The following TMEM169 variants were observed in gnomAD, a reference collection of about 807,000 sequenced individuals.
TMEM169 encodes the protein transmembrane protein 169.
A neutral mutation model predicts 27.3 loss-of-function variants in TMEM169; 18 were observed. The ratio of observed to expected loss-of-function variants is 0.66; its 90% confidence interval spans 0.46 to 0.98. The LOEUF (loss-of-function observed/expected upper bound fraction) is 0.98, where lower values mean the gene tolerates loss of function less well. Ranked by LOEUF, TMEM169 falls within the 50% of genes least tolerant of loss-of-function variation. TMEM169 has a pLI of 0.00. For missense variants in TMEM169, 320 were observed against 368.6 expected, an observed-to-expected ratio of 0.87 and a Z score of 1.08; for synonymous variants, 136 against 142.1, an observed-to-expected ratio of 0.96 and a Z score of 0.30.
At position 216,099,834 on chromosome 2, in the gene TMEM169, C is replaced by A; in HGVS notation, c.272-86C>A. 1 of 1,526,358 alleles carries A rather than the reference C, an allele frequency of 6.6e-7. No homozygotes were observed. 94.6% of individuals were successfully genotyped at this position (1,526,358 alleles called of 1,614,324 possible). ...ATGGTGTAAAAAAGGCTACTCTTGT[C>A]CTCATGCCCAGCCTGGGAGGGTGCA... On this transcript the variant is annotated intron_variant, in intron 2 of 2. Transcript: ENST00000437356. This position sits in a 1 kb window ranked among gnomAD's most constrained non-coding sequence, Gnocchi z 5.0.
At position 216,096,105 on chromosome 2, in the gene TMEM169, C is replaced by T. The variant is rs146119140; in HGVS notation, c.142C>T (p.Arg48Cys). The T allele has an allele frequency of 3.5e-4, 572 of 1,614,154 alleles. No homozygotes were observed. The highest frequency in any genetic ancestry group is 2.6e-3 in the Middle Eastern group (16 of 6,062). ...CAGGAAAAAGAAGAGGAAAGAGTCA[C>T]GCCCAGAATCCATCATCATCTACCG... ...GHRKKKRKES[R>C]PESIIIYRSD... Residue 48 changes from arginine to cysteine, a missense_variant, in exon 2 of 3, where the codon CGC becomes TGC. Transcript: ENST00000437356.
chr2:216,093,879 T>C (rs1035254911), intron 1 of TMEM169, among the ~76,000 whole-genome samples: 1 of 152,164 alleles, frequency 6.6e-6, no homozygotes, highest in Non-Finnish European at 1.5e-5. Context: ...ACCAAAGATA[T>C]ATAAATTTGC....
chr2:216,093,030 A>G (rs2105983848), intron 1 of TMEM169, among the ~76,000 whole-genome samples: 1 of 152,264 alleles, frequency 6.6e-6, no homozygotes, highest in South Asian at 2.1e-4. Flanking sequence ...TTACAAATGT[A>G]TGTATATACA....
intron 2 of TMEM169, among the ~76,000 whole-genome samples, chr2:216,098,108 G>A (rs1696303019): frequency 6.6e-6 from 1 of 152,156 alleles, no homozygotes; most frequent in Non-Finnish European, 1.5e-5. Flanking sequence ...GGCCCTTGCA[G>A]GTCTCGGTAA....
At position 216,099,896 on chromosome 2, in the gene TMEM169, T is replaced by G. The variant is rs773049254; in HGVS notation, c.272-24T>G. 10 of 1,590,560 alleles carry G rather than the reference T, an allele frequency of 6.3e-6. No individual in the cohort carries two copies. Among genetic ancestry groups the G allele is most frequent in the Non-Finnish European group, 8.5e-6 (10 of 1,170,460 alleles). On this transcript the variant is annotated intron_variant, in intron 2 of 2. Coordinates refer to ENST00000437356, the MANE Select transcript of TMEM169 (RefSeq NM_001142311.2). The surrounding 1 kb of genome is among the most constrained non-coding windows in gnomAD (Gnocchi z 5.0). ...CAATGCCCACTCTTCTGATCTTGAC[T>G]CTCACCTCCTTTGTACCCTGCAGAT...
chr2:216,099,328 C>T lies in TMEM169; in HGVS notation c.272-592C>T, dbSNP rs536898518. ...GATAGTGTAGTGTGTGTATGTGGTA[C>T]GTGATTGGGAGGTGGCATGTGTATG... On this transcript the variant is annotated intron_variant, in intron 2 of 2. Coordinates refer to ENST00000437356, the MANE Select transcript of TMEM169 (RefSeq NM_001142311.2). The surrounding 1 kb of genome is among the most constrained non-coding windows in gnomAD (Gnocchi z 5.0). 4.7e-5 allele frequency among the ~76,000 whole-genome samples: 7 copies of T among 148,980 alleles called. No homozygotes were observed. The highest frequency in any genetic ancestry group is 4.0e-4 in the East Asian group (2 of 5,044).
chr2:216,092,264 G>A (rs1696151598), intron 1 of TMEM169, among the ~76,000 whole-genome samples: 1 of 152,108 alleles, frequency 6.6e-6, no homozygotes, highest in Admixed American at 6.5e-5. Flanking sequence ...CTGTCCCTGG[G>A]CTCAGGAAGC....
At chr2:216,094,476 G>T (rs1696214248) in intron 1 of TMEM169, among the ~76,000 whole-genome samples, 1 of 152,230 alleles carries the variant, frequency 6.6e-6, no homozygotes, top group South Asian at 2.1e-4. Flanking sequence ...TAACCCCCAT[G>T]ATTTAATGGG....
chr2:216,087,115 G>C (rs534455181), intron 1 of TMEM169, among the ~76,000 whole-genome samples: 96 of 152,190 alleles, frequency 6.3e-4, no homozygotes, highest in Non-Finnish European at 1.1e-3. Flanking sequence ...GTGGAGAAGC[G>C]TGACAAAGAT....
intron 1 of TMEM169, among the ~76,000 whole-genome samples, chr2:216,090,653 T>C (rs1305464985): frequency 6.6e-6 from 1 of 152,218 alleles, no homozygotes; most frequent in East Asian, 1.9e-4. Flanking sequence ...AAAACACTTT[T>C]GGACCTCCAA....
At chr2:216,088,126 C>G (rs1052192666) in intron 1 of TMEM169, among the ~76,000 whole-genome samples, 1 of 150,692 alleles carries the variant, frequency 6.6e-6, no homozygotes, top group East Asian at 1.9e-4. Context: ...CAACTGCACT[C>G]CAGCCTGGGT....
rs142981658 is a variant in TMEM169, at chr2:216,100,377, A to T, written c.729A>T (p.Gln243His). ...QLSWSWEAWW[Q>H]AARDMEKGFC... Reference sequence around the variant, plus strand: ...CGTGGTCCTGGGAAGCATGGTGGCAAGCTGCCCGGGACATGGAGAAAGGCT... The same window carrying T: ...CGTGGTCCTGGGAAGCATGGTGGCATGCTGCCCGGGACATGGAGAAAGGCT... The change falls in exon 3 of 3, where the codon CAA (glutamine) becomes CAT (histidine). Residue 243 changes from glutamine (Q) to histidine (H), a missense_variant. Transcript: ENST00000437356. 849 of 1,613,908 alleles carry T rather than the reference A, an allele frequency of 5.3e-4. No individual in the cohort carries two copies. Among genetic ancestry groups the T allele is most frequent in the Non-Finnish European group, 6.6e-4 (780 of 1,179,998 alleles).
intron 1 of TMEM169, among the ~76,000 whole-genome samples, chr2:216,087,055 C>A (rs1265415381): frequency 6.6e-6 from 1 of 152,094 alleles, no homozygotes; most frequent in African/African-American, 2.4e-5. Context: ...GGGGTAGTCA[C>A]AGAAGGGGAC....
intron 1 of TMEM169, among the ~76,000 whole-genome samples, chr2:216,086,075 T>C (rs1380641488): frequency 2.6e-5 from 4 of 152,050 alleles, no homozygotes; most frequent in African/African-American, 9.7e-5. Context: ...GAATCTTTTT[T>C]TTTTTCTGAG....
At chr2:216,093,454 T>C (rs1283256337) in intron 1 of TMEM169, among the ~76,000 whole-genome samples, 2 of 152,142 alleles carry the variant, frequency 1.3e-5, no homozygotes, top group Non-Finnish European at 2.9e-5. Flanking sequence ...TGGATAAGAA[T>C]TTAAAGATAA....
At chr2:216,091,178 A>G (rs970362964) in intron 1 of TMEM169, among the ~76,000 whole-genome samples, 3 of 152,168 alleles carry the variant, frequency 2.0e-5, no homozygotes, top group Non-Finnish European at 4.4e-5. Flanking sequence ...CCCCAAATCC[A>G]TATGTTGAAA....
At chr2:216,084,047 G>A (rs866394618) in intron 1 of TMEM169, among the ~76,000 whole-genome samples, 10 of 152,220 alleles carry the variant, frequency 6.6e-5, no homozygotes, top group Non-Finnish European at 1.2e-4. Context: ...TGTGCTCTGC[G>A]TCACTGCCCT....
At chr2:216,098,711 G>C (rs1696315330) in intron 2 of TMEM169, among the ~76,000 whole-genome samples, 1 of 101,570 alleles carries the variant, frequency 9.8e-6, no homozygotes, top group African/African-American at 6.2e-5. Flanking sequence ...CTGTGTGGGT[G>C]CGTTGTGTGT....
At position 216,099,775 on chromosome 2, in the gene TMEM169, C is replaced by A; in HGVS notation, c.272-145C>A. 4 of 1,108,226 alleles carry A rather than the reference C, an allele frequency of 3.6e-6. No homozygotes were observed. Among genetic ancestry groups the A allele is most frequent in the Non-Finnish European group, 5.2e-6 (4 of 775,330 alleles). 68.6% of individuals were successfully genotyped at this position (1,108,226 alleles called of 1,614,324 possible). Reference sequence around the variant, plus strand: ...CTCTCCCGAGGGAGACCCACTCAGTCCGCCATTGAATCACTGACTCAGGAC... The same window carrying A: ...CTCTCCCGAGGGAGACCCACTCAGTACGCCATTGAATCACTGACTCAGGAC... On this transcript the variant is annotated intron_variant, in intron 2 of 2. Coordinates refer to ENST00000437356, the MANE Select transcript of TMEM169 (RefSeq NM_001142311.2). The surrounding 1 kb of genome is among the most constrained non-coding windows in gnomAD (Gnocchi z 5.0).
Sources: allele counts gnomAD v4.1 joint callset (sites outside exome capture counted in the v4.1 genomes callset), GRCh38; gene constraint gnomAD v4.1.1; non-coding constraint Gnocchi (gnomAD v3.1); transcripts MANE v1.5; gene names NCBI Gene and HGNC (gene_info 2026-07-23, HGNC 2026-07-21).